RAB3GAP1: variants seen among roughly 807,000 people sequenced by gnomAD.
RAB3GAP1 encodes the protein rab3 GTPase-activating protein catalytic subunit.
A neutral mutation model predicts 130.7 loss-of-function variants in RAB3GAP1; 86 were observed. That is an observed-to-expected ratio of 0.66 (90% CI 0.55 to 0.79). The LOEUF (loss-of-function observed/expected upper bound fraction) is 0.79, where lower values mean the gene tolerates loss of function less well. Among genes scored for constraint, RAB3GAP1 ranks in the 30% least tolerant of loss-of-function variants. The pLI is 0.00. For synonymous variants in RAB3GAP1, 367 were observed against 401.7 expected (o/e 0.91, Z 1.03); for missense variants, 1,029 against 1,169.4 (o/e 0.88, Z 1.75).
In RAB3GAP1 at chr2:135,057,998, C is replaced by T; in HGVS notation, c.75-13C>T. The T allele has an allele frequency of 1.3e-6, 2 of 1,585,166 alleles. No individual in the cohort carries two copies. Among genetic ancestry groups the T allele is most frequent in the African/African-American group, 1.3e-5 (1 of 74,396 alleles). Reference sequence around the variant, plus strand: ...GTGCTGTTGTATTTAGAAGCTTTCTCCCTACTTCCTAGGTTTATTTCCAAA... The same window carrying T: ...GTGCTGTTGTATTTAGAAGCTTTCTTCCTACTTCCTAGGTTTATTTCCAAA... On this transcript the variant is annotated splice_polypyrimidine_tract_variant and intron_variant, in intron 2 of 23. Coordinates refer to ENST00000264158, the MANE Select transcript of RAB3GAP1 (RefSeq NM_012233.3).
At chr2:135,112,834 TCACACACACACACA>T (rs200860381) in intron 5 of RAB3GAP1, among the ~76,000 whole-genome samples, 1 of 132,372 alleles carries the variant, frequency 7.6e-6, no homozygotes, top group African/African-American at 3.3e-5. Context: ...TCTCTCTCTC[TCACACACACACACA>T]CACACACACA....
chr2:135,074,189 G>A (rs1298108949), intron 3 of RAB3GAP1, among the ~76,000 whole-genome samples: 2 of 152,190 alleles, frequency 1.3e-5, no homozygotes, highest in African/African-American at 4.8e-5. Context: ...GGAGCAGGAG[G>A]GTTGGCTGCC....
intron 19 of RAB3GAP1, among the ~76,000 whole-genome samples, chr2:135,161,439 A>G (rs867030148): frequency 8.3e-4 from 126 of 152,318 alleles, no homozygotes; most frequent in African/African-American, 2.6e-3. Context: ...CTCCATTAAT[A>G]TAAAGGTTAA....
intron 17 of RAB3GAP1, among the ~76,000 whole-genome samples, chr2:135,138,357 G>A (rs1329262346): frequency 2.0e-5 from 3 of 151,584 alleles, no homozygotes; most frequent in African/African-American, 7.3e-5. Flanking sequence ...GGCTGAGGTA[G>A]AAGAATCAAT....
chr2:135,159,138 T>G (rs1337884050), intron 19 of RAB3GAP1, among the ~76,000 whole-genome samples: 1 of 152,190 alleles, frequency 6.6e-6, no homozygotes, highest in Admixed American at 6.5e-5. Flanking sequence ...TGATTGGATA[T>G]ATAAATTAAT....
At chr2:135,054,999 G>A (rs559624021) in intron 2 of RAB3GAP1, among the ~76,000 whole-genome samples, 1 of 152,264 alleles carries the variant, frequency 6.6e-6, no homozygotes, top group South Asian at 2.1e-4. Flanking sequence ...TTTATCATTT[G>A]TTCATTGACA....
chr2:135,152,162 T>C (rs1284793494), intron 18 of RAB3GAP1, among the ~76,000 whole-genome samples: 1 of 152,250 alleles, frequency 6.6e-6, no homozygotes, highest in Non-Finnish European at 1.5e-5. Context: ...ACTTTTTGTA[T>C]AGGGATGAGT....
chr2:135,128,021 T>C (rs930046993), intron 11 of RAB3GAP1, among the ~76,000 whole-genome samples: 1 of 152,226 alleles, frequency 6.6e-6, no homozygotes, highest in Non-Finnish European at 1.5e-5. Context: ...TCACTTGATA[T>C]ATTACCATTT....
chr2:135,108,612 G>A (rs4954219), intron 5 of RAB3GAP1, among the ~76,000 whole-genome samples: 17,387 of 150,396 alleles, frequency 0.12, 1,286 homozygotes, highest in South Asian at 0.32. Flanking sequence ...AATGTCTTTT[G>A]CAAATATTTT....
At chr2:135,063,120 CTTAAG>C (rs1689222862) in intron 3 of RAB3GAP1, among the ~76,000 whole-genome samples, 1 of 152,154 alleles carries the variant, frequency 6.6e-6, no homozygotes, top group Non-Finnish European at 1.5e-5. Flanking sequence ...TGCTTCAAAA[CTTAAG>C]TTAACTGTAG....
chr2:135,082,412 T>C (rs1574092779), intron 3 of RAB3GAP1, among the ~76,000 whole-genome samples: 1 of 151,916 alleles, frequency 6.6e-6, no homozygotes, highest in African/African-American at 2.4e-5. Context: ...TCTGGACATA[T>C]CATATAAATG....
intron 8 of RAB3GAP1, among the ~76,000 whole-genome samples, chr2:135,122,469 A>G (rs921470030): frequency 1.3e-5 from 2 of 152,200 alleles, no homozygotes; most frequent in Non-Finnish European, 2.9e-5. Flanking sequence ...CCCAAGAGTT[A>G]GAACCTTAGC....
intron 18 of RAB3GAP1, 148 bp downstream of exon 18, chr2:135,150,654 C>G (rs569680297): frequency 9.8e-7 from 1 of 1,025,044 alleles, no homozygotes; most frequent in African/African-American, 1.6e-5. Flanking sequence ...CTGCCACCAT[C>G]CCCCCAGAGG....
intron 5 of RAB3GAP1, among the ~76,000 whole-genome samples, chr2:135,102,735 T>G (rs58426504): frequency 0.31 from 47,157 of 151,954 alleles, 11,053 homozygotes; most frequent in African/African-American, 0.64. Context: ...TTCATTTTTG[T>G]CTGGGCACGG....
At chr2:135,140,343 A>G (rs1440056111) in intron 17 of RAB3GAP1, among the ~76,000 whole-genome samples, 1 of 152,214 alleles carries the variant, frequency 6.6e-6, no homozygotes, top group Non-Finnish European at 1.5e-5. Context: ...TGGTTGAACT[A>G]GTTAACCTTC....
At chr2:135,146,916 T>G (rs1692011399) in intron 17 of RAB3GAP1, among the ~76,000 whole-genome samples, 1 of 152,104 alleles carries the variant, frequency 6.6e-6, no homozygotes, top group Non-Finnish European at 1.5e-5. Flanking sequence ...AGGAAATTTC[T>G]GAGGTGATGA....
chr2:135,111,881 T>C (rs2104910584), intron 5 of RAB3GAP1, among the ~76,000 whole-genome samples: 1 of 152,356 alleles, frequency 6.6e-6, no homozygotes, highest in South Asian at 2.1e-4. Flanking sequence ...GACATTTCCA[T>C]GTCAATTAGC....
chr2:135,088,381 C>G (rs561128488), intron 3 of RAB3GAP1, among the ~76,000 whole-genome samples: 1 of 151,996 alleles, frequency 6.6e-6, no homozygotes, highest in Non-Finnish European at 1.5e-5. Flanking sequence ...AGAAACCCAC[C>G]CCACACAAAA....
At chr2:135,141,805 G>T (rs919397333) in intron 17 of RAB3GAP1, among the ~76,000 whole-genome samples, 1 of 152,200 alleles carries the variant, frequency 6.6e-6, no homozygotes, top group Admixed American at 6.5e-5. Context: ...CTGTTGAAAA[G>T]ATCTGCCTTT....
Sources: allele counts gnomAD v4.1 joint callset (sites outside exome capture counted in the v4.1 genomes callset), GRCh38; gene constraint gnomAD v4.1.1; transcripts MANE v1.5; gene names NCBI Gene and HGNC (gene_info 2026-07-23, HGNC 2026-07-21).